PDIA5: variants seen among roughly 807,000 people sequenced by gnomAD.
PDIA5 encodes protein disulfide isomerase family A member 5, also known as protein disulfide-isomerase A5.
PDIA5 carries 58 observed loss-of-function variants against 77.6 expected under a neutral mutation model. That is an observed-to-expected ratio of 0.75 (90% CI 0.61 to 0.93). The LOEUF is 0.93. Among genes scored for constraint, PDIA5 ranks in the 40% least tolerant of loss-of-function variants. The pLI, the probability that PDIA5 is intolerant of heterozygous loss-of-function variation, is 0.00. For missense variants in PDIA5, 630 were observed against 647.7 expected (o/e 0.97, Z 0.30); for synonymous variants, 250 against 252.1 (o/e 0.99, Z 0.08).
At chr3:123,106,885 C>A in intron 6 of PDIA5, 44 bp downstream of exon 6, 4 of 1,342,934 alleles carry the variant, frequency 3.0e-6, no homozygotes, top group Non-Finnish European at 4.2e-6. Flanking sequence ...GGAAGCTTCC[C>A]TGGTACCAGG....
intron 10 of PDIA5, among the ~76,000 whole-genome samples, chr3:123,126,163 G>A (rs1935242050): frequency 6.6e-6 from 1 of 152,168 alleles, no homozygotes; most frequent in East Asian, 1.9e-4. Context: ...CATCAATGGT[G>A]TTTCTGAAAC....
At chr3:123,094,525 G>C (rs947130181) in intron 3 of PDIA5, among the ~76,000 whole-genome samples, 2 of 152,226 alleles carry the variant, frequency 1.3e-5, no homozygotes, top group East Asian at 3.8e-4. Flanking sequence ...TTCTAAACTT[G>C]CCTGTAATCA....
chr3:123,158,097 C>A (rs1226606463), intron 15 of PDIA5, among the ~76,000 whole-genome samples: 2 of 152,242 alleles, frequency 1.3e-5, no homozygotes, highest in East Asian at 3.8e-4. Context: ...AGGACAGAGA[C>A]CTCATTTGTC....
At chr3:123,074,428 T>G (rs2107904254) in intron 1 of PDIA5, among the ~76,000 whole-genome samples, 1 of 152,320 alleles carries the variant, frequency 6.6e-6, no homozygotes, top group South Asian at 2.1e-4. Context: ...TAGAATAATG[T>G]TTTTAAATGT....
intron 3 of PDIA5, among the ~76,000 whole-genome samples, chr3:123,094,165 G>A (rs549484084): frequency 4.6e-5 from 7 of 152,358 alleles, no homozygotes; most frequent in Non-Finnish European, 1.0e-4. Flanking sequence ...GCTTGAAAGA[G>A]TTAACCTTAA....
intron 14 of PDIA5, among the ~76,000 whole-genome samples, chr3:123,150,933 G>A (rs1393816447): frequency 1.3e-5 from 2 of 152,190 alleles, no homozygotes; most frequent in Non-Finnish European, 2.9e-5. Flanking sequence ...GTTGTTAATT[G>A]ATACTTACAA....
intron 3 of PDIA5, among the ~76,000 whole-genome samples, chr3:123,100,875 T>G (rs1934572447): frequency 6.6e-6 from 1 of 152,202 alleles, no homozygotes; most frequent in South Asian, 2.1e-4. Context: ...TGTAAGCAAC[T>G]GGGGGATACA....
At chr3:123,149,682 C>T (rs1304486637) in intron 13 of PDIA5, among the ~76,000 whole-genome samples, 1 of 152,184 alleles carries the variant, frequency 6.6e-6, no homozygotes, top group African/African-American at 2.4e-5. Flanking sequence ...ACATTCTCTG[C>T]TCTTCATAAA....
intron 1 of PDIA5, 94 bp from the exon 2 acceptor site, chr3:123,089,074 T>A: frequency 7.9e-7 from 1 of 1,259,844 alleles, no homozygotes; most frequent in Non-Finnish European, 1.1e-6. Flanking sequence ...CCTCTGGAAG[T>A]AAAGCAGCTC....
intron 7 of PDIA5, among the ~76,000 whole-genome samples, chr3:123,112,573 G>A (rs948503220): frequency 2.6e-5 from 3 of 114,414 alleles, no homozygotes; most frequent in African/African-American, 1.0e-4. Context: ...TTTTGAGACA[G>A]AGCCTTGCTC....
chr3:123,127,276 G>A lies in PDIA5; in HGVS notation c.773+2933G>A, dbSNP rs184997937. Among the ~76,000 whole-genome samples, 238 of 152,290 alleles carry A rather than the reference G, an allele frequency of 1.6e-3. 1 individual carries two copies. The highest frequency in any genetic ancestry group is 1.1e-3 in the Non-Finnish European group (76 of 68,022). On this transcript the variant is annotated intron_variant, in intron 10 of 16. Transcript: ENST00000316218. The stretch of plus-strand genomic sequence containing the variant: ...AAATCAGTCGCATGAAGGCAGATCA[G>A]AAGGGAACATACAAGTCATCAAATC...
chr3:123,110,507 C>G (rs1340238167), intron 6 of PDIA5, among the ~76,000 whole-genome samples: 1 of 152,138 alleles, frequency 6.6e-6, no homozygotes, highest in Non-Finnish European at 1.5e-5. Context: ...AAACAGCCAC[C>G]CGCAGCACAA....
At chr3:123,095,090 C>T (rs1546606) in intron 3 of PDIA5, among the ~76,000 whole-genome samples, 12,874 of 152,214 alleles carry the variant, frequency 0.085, 955 homozygotes, top group Admixed American at 0.25. Flanking sequence ...TAGTTAGCTG[C>T]GCTGCTCACT....
At position 123,161,323 on chromosome 3, in the gene PDIA5, T is replaced by C. The variant is rs1360575450; in HGVS notation, c.1347T>C (p.Ile449=). 1 of 1,613,784 alleles carries C rather than the reference T, an allele frequency of 6.2e-7. No individual in the cohort carries two copies. Residue 449 remains isoleucine (I), a splice_region_variant and synonymous_variant, in exon 16 of 17, where the codon ATT becomes ATC. Transcript: ENST00000316218. ...ACTCTCTTTACCTTGGCTCCTAGAT[T>C]GCCTGTGCCGCTGTTGACTGTGTCA... ...TADAFKDDRK[I]ACAAVDCVKD...
chr3:123,087,662 T>A (rs1389200410), intron 1 of PDIA5, among the ~76,000 whole-genome samples: 1 of 152,236 alleles, frequency 6.6e-6, no homozygotes, highest in Non-Finnish European at 1.5e-5. Context: ...TTTCTTTTTC[T>A]TCTACATTTC....
At chr3:123,109,108 C>T (rs1396428763) in intron 6 of PDIA5, among the ~76,000 whole-genome samples, 3 of 152,168 alleles carry the variant, frequency 2.0e-5, no homozygotes, top group East Asian at 1.9e-4. Context: ...GAATATCAAG[C>T]GGAAATATTT....
chr3:123,067,501 G>A (rs1176544381), intron 1 of PDIA5: 6 of 367,040 alleles, frequency 1.6e-5, no homozygotes, highest in African/African-American at 1.0e-4. Flanking sequence ...ATGCAGGTCG[G>A]GGCACAGCCG....
intron 11 of PDIA5, among the ~76,000 whole-genome samples, chr3:123,137,694 G>A (rs1935533297): frequency 6.6e-6 from 1 of 152,094 alleles, no homozygotes. Flanking sequence ...AAGAGGTCAA[G>A]AAACGTGCCA....
chr3:123,081,846 T>G (rs1463625653), intron 1 of PDIA5, among the ~76,000 whole-genome samples: 1 of 152,228 alleles, frequency 6.6e-6, no homozygotes, highest in Non-Finnish European at 1.5e-5. Context: ...AGGTGTAATG[T>G]GGCAAGGACT....
Sources: gnomAD v4.1 joint callset for allele counts (sites outside exome capture counted in the v4.1 genomes callset) on GRCh38, gnomAD v4.1.1 for gene constraint, MANE v1.5 for transcripts, NCBI Gene and HGNC (gene_info 2026-07-23, HGNC 2026-07-21) for gene names.